TRIM55: variants seen among roughly 807,000 people sequenced by gnomAD.
The protein encoded by TRIM55 is tripartite motif containing 55.
In TRIM55, 50 loss-of-function variants were observed where a neutral mutation model predicts 60.9. That is an observed-to-expected ratio of 0.82 (90% CI 0.65 to 1.04). The LOEUF (loss-of-function observed/expected upper bound fraction) is 1.04. Among genes scored for constraint, TRIM55 ranks in the 50% least tolerant of loss-of-function variants. TRIM55 has a pLI of 0.00. For missense variants in TRIM55, 681 were observed against 666.9 expected (o/e 1.02, Z -0.23); for synonymous variants, 237 against 238.1 (o/e 1.00, Z 0.04).
At chr8:66,118,888 T>C in the TRIM55 span, among the ~76,000 whole-genome samples, 1 of 152,092 alleles carries the variant, frequency 6.6e-6, no homozygotes. Flanking sequence ...GGTGGATGGA[T>C]GGTTGGATGG....
chr8:66,121,922 T>A (rs1376644791), upstream of TRIM55, among the ~76,000 whole-genome samples: 1 of 152,200 alleles, frequency 6.6e-6, no homozygotes, highest in Non-Finnish European at 1.5e-5. Flanking sequence ...TGAAGATGAC[T>A]TAAATTCTGA....
intron 4 of TRIM55, among the ~76,000 whole-genome samples, chr8:66,144,375 T>C (rs1325245431): frequency 6.6e-6 from 1 of 152,254 alleles, no homozygotes; most frequent in Non-Finnish European, 1.5e-5. Context: ...GGATGAATTT[T>C]ATTTTCATTA....
chr8:66,166,259 G>T (rs2128985617), intron 9 of TRIM55, among the ~76,000 whole-genome samples: 1 of 152,214 alleles, frequency 6.6e-6, no homozygotes, highest in South Asian at 2.1e-4. Context: ...GTGTGAGTAG[G>T]GTAATGAATT....
chr8:66,115,636 G>C, the TRIM55 span, among the ~76,000 whole-genome samples: 1 of 152,200 alleles, frequency 6.6e-6, no homozygotes, highest in African/African-American at 2.4e-5. Context: ...GCTGGGAATG[G>C]AATTCACATA....
At chr8:66,127,624 C>T (rs866156727) in intron 1 of TRIM55, among the ~76,000 whole-genome samples, 188 bp downstream of exon 1, 5 of 151,842 alleles carry the variant, frequency 3.3e-5, no homozygotes, top group African/African-American at 2.4e-5. Flanking sequence ...GTCAGGCCTT[C>T]GAGACCAGGC....
rs541367277 is a variant in TRIM55 at position 66,137,237 on chromosome 8, T to A, written c.603+47T>A. 2.1e-6 allele frequency: 3 copies of A among 1,441,818 alleles called. No homozygotes were observed. The Admixed American group carries it at 5.1e-5, about 25-fold the overall frequency. The allele number at this position is 1,441,818 out of a possible 1,614,324, so 89.3% of individuals were successfully genotyped here. A position where few individuals can be genotyped will look rare whatever the true frequency, so the allele number is the denominator to read the frequency against. ...GCGTCTCAACCAAGCCTGCAATGCC[T>A]GGGGGTTTATGACTTCCTTAGTGCC... On this transcript the variant is annotated intron_variant, in intron 4 of 9. Transcript: ENST00000315962.
chr8:66,115,418 T>C, the TRIM55 span, among the ~76,000 whole-genome samples: 1 of 152,204 alleles, frequency 6.6e-6, no homozygotes, highest in African/African-American at 2.4e-5. Context: ...TCAGATGACA[T>C]GTCCCAGTTT....
At chr8:66,154,569 T>A (rs985121590) in intron 9 of TRIM55, among the ~76,000 whole-genome samples, 1 of 152,234 alleles carries the variant, frequency 6.6e-6, no homozygotes, top group Non-Finnish European at 1.5e-5. Context: ...ACCTCACACC[T>A]GGCTTCCCAG....
intron 4 of TRIM55, among the ~76,000 whole-genome samples, chr8:66,140,275 C>G (rs973330057): frequency 6.6e-6 from 1 of 152,214 alleles, no homozygotes; most frequent in African/African-American, 2.4e-5. Context: ...ATGAAAAACA[C>G]CAAAAGTTTA....
chr8:66,152,285 G>T, intron 7 of TRIM55, 92 bp from the exon 8 acceptor site: 1 of 1,469,690 alleles, frequency 6.8e-7, no homozygotes, highest in Non-Finnish European at 8.9e-7. Flanking sequence ...CCCCAGCCTT[G>T]ACCTTAACTA....
the TRIM55 span, among the ~76,000 whole-genome samples, chr8:66,117,830 T>C: frequency 2.0e-5 from 3 of 152,122 alleles, no homozygotes; most frequent in African/African-American, 7.2e-5. Context: ...TGTCGCTGCT[T>C]ATTTCTGGCA....
chr8:66,156,901 C>T (rs1810774514), intron 9 of TRIM55, among the ~76,000 whole-genome samples: 1 of 152,156 alleles, frequency 6.6e-6, no homozygotes, highest in Non-Finnish European at 1.5e-5. Context: ...GTCTGCTCAG[C>T]TGCCCAACTC....
intron 2 of TRIM55, among the ~76,000 whole-genome samples, chr8:66,129,263 G>A (rs1025615858): frequency 6.6e-5 from 10 of 152,118 alleles, no homozygotes; most frequent in Non-Finnish European, 1.0e-4. Flanking sequence ...ACAATGCTGC[G>A]GGAAGCTTAT....
chr8:66,114,806 G>C, the TRIM55 span: 10 of 340,012 alleles, frequency 2.9e-5, no homozygotes, highest in Non-Finnish European at 5.8e-5. Flanking sequence ...CCTGGACACA[G>C]GGGCTGCCGT....
chr8:66,115,582 A>G, the TRIM55 span, among the ~76,000 whole-genome samples: 14 of 152,296 alleles, frequency 9.2e-5, no homozygotes, highest in Admixed American at 2.6e-4. Flanking sequence ...CGGGGAGGTG[A>G]CCTGGGCCAA....
chr8:66,134,371 A>G (rs1402096488), intron 2 of TRIM55, among the ~76,000 whole-genome samples: 2 of 152,138 alleles, frequency 1.3e-5, no homozygotes, highest in Admixed American at 1.3e-4. Flanking sequence ...TTTGCATCCA[A>G]CCAGTACTTG....
rs191935864 is a variant in TRIM55 at position 66,127,274 on chromosome 8, C to T, written c.6C>T (p.Ser2=). The T allele has an allele frequency of 6.6e-5, 107 of 1,613,760 alleles. No individual in the cohort carries two copies. The African/African-American group carries it at 1.1e-3, about 17-fold the overall frequency. M[S]ASLNYKSFSK... ...CACTTGGGGACAGCGAGGAGATGAG[C>T]GCATCTCTGAATTACAAATCTTTTT... is the stretch of plus-strand genomic sequence containing the variant. Residue 2 remains serine, a synonymous_variant, in exon 1 of 10, where the codon AGC becomes AGT. Transcript: ENST00000315962.
In TRIM55 at chr8:66,161,526, A is replaced by G. The variant is rs114878298; in HGVS notation, c.1524+7192A>G. Among the ~76,000 whole-genome samples, 242 of 152,066 alleles carry G rather than the reference A, an allele frequency of 1.6e-3. 2 individuals carry two copies. Among genetic ancestry groups the G allele is most frequent in the African/African-American group, 5.5e-3 (227 of 41,496 alleles). Reference sequence around the variant, plus strand: ...CTTATGAGGGCTCTTTTTTGGTTCTATATGAATTTTGGATTCTTTTTTCTA... The same window carrying G: ...CTTATGAGGGCTCTTTTTTGGTTCTGTATGAATTTTGGATTCTTTTTTCTA... On this transcript the variant is annotated intron_variant, in intron 9 of 9. Transcript: ENST00000315962.
chr8:66,127,090 G>A (rs971951133), upstream of TRIM55: 12 of 559,806 alleles, frequency 2.1e-5, no homozygotes, highest in Non-Finnish European at 2.8e-5. Flanking sequence ...TCACGTGACC[G>A]CAGGCTGCTA....
Sources: allele counts gnomAD v4.1 joint callset (sites outside exome capture counted in the v4.1 genomes callset), GRCh38; gene constraint gnomAD v4.1.1; transcripts MANE v1.5; gene names NCBI Gene and HGNC (gene_info 2026-07-23, HGNC 2026-07-21).